Variants in AMPD3 observed in about 807,000 individuals in gnomAD.
AMPD3 encodes the protein AMP deaminase 3.
A neutral mutation model predicts 82.3 loss-of-function variants in AMPD3; 57 were observed. That is an observed-to-expected ratio of 0.69 (90% CI 0.56 to 0.86). AMPD3 has a LOEUF of 0.86. AMPD3 is among the 40% of genes least tolerant of loss of function. AMPD3 has a pLI of 0.00. For missense variants in AMPD3, 870 were observed against 1,003.8 expected (o/e 0.87, Z 1.80); for synonymous variants, 381 against 394.7 (o/e 0.97, Z 0.41).
At chr11:10,478,781 G>A (rs1165251903) in intron 3 of AMPD3, 51 bp downstream of exon 3, 1 of 1,583,846 alleles carries the variant, frequency 6.3e-7, no homozygotes, top group South Asian at 1.1e-5. Context: ...AAGGCCAGGG[G>A]CCCCATGGGC....
chr11:10,504,473 G>C, intron 13 of AMPD3, 76 bp from the exon 14 acceptor site: 1 of 1,429,824 alleles, frequency 7.0e-7, no homozygotes, highest in Non-Finnish European at 9.9e-7. Context: ...GTCTGATGTT[G>C]TTAGCTTTGG....
intron 5 of AMPD3, among the ~76,000 whole-genome samples, chr11:10,485,898 G>A (rs924147335): frequency 6.6e-6 from 1 of 151,992 alleles, no homozygotes; most frequent in African/African-American, 2.4e-5. Flanking sequence ...TGGACTCTGT[G>A]AGCCTCAGAG....
intron 2 of AMPD3, among the ~76,000 whole-genome samples, chr11:10,477,269 G>T (rs1055676248): frequency 6.6e-6 from 1 of 152,216 alleles, no homozygotes; most frequent in Non-Finnish European, 1.5e-5. Flanking sequence ...GTCCTTGCTG[G>T]TGGCTGTGGT....
intron 5 of AMPD3, among the ~76,000 whole-genome samples, chr11:10,485,405 G>C (rs12221503): frequency 0.078 from 11,897 of 152,062 alleles, 721 homozygotes; most frequent in South Asian, 0.23. Context: ...TGCCACCATG[G>C]CTAATTTTTT....
chr11:10,497,068 G>A (rs11042853), intron 10 of AMPD3, 130 bp downstream of exon 10: 105,088 of 1,218,358 alleles, frequency 0.086, 5,241 homozygotes, highest in Non-Finnish European at 0.099. Flanking sequence ...TGTTCCAGGC[G>A]TGGGGTCACC....
intron 3 of AMPD3, chr11:10,481,599 TG>T: frequency 4.2e-6 from 3 of 713,938 alleles, no homozygotes; most frequent in Non-Finnish European, 3.4e-6. Context: ...CTTACAGCTT[TG>T]ATTTATTACA....
intron 2 of AMPD3, among the ~76,000 whole-genome samples, chr11:10,463,677 T>A (rs948366304): frequency 6.6e-6 from 1 of 152,238 alleles, no homozygotes; most frequent in African/African-American, 2.4e-5. Flanking sequence ...CTGAAGCGAC[T>A]GTGCTCTTCT....
At chr11:10,453,116 A>C (rs1382359299), upstream of AMPD3, among the ~76,000 whole-genome samples, 1 of 152,114 alleles carries the variant, frequency 6.6e-6, no homozygotes. Context: ...TGCCAGGCTA[A>C]TTTTTGTGTT....
intron 9 of AMPD3, chr11:10,496,406 C>G (rs1849401767): frequency 4.1e-6 from 4 of 985,414 alleles, no homozygotes; most frequent in Non-Finnish European, 3.6e-6. Flanking sequence ...GCTGTCCTCT[C>G]CAGGCGGCTG....
intron 5 of AMPD3, 22 bp from the exon 6 acceptor site, chr11:10,487,213 T>C: frequency 6.2e-7 from 1 of 1,613,856 alleles, no homozygotes; most frequent in Non-Finnish European, 8.5e-7. Flanking sequence ...AACTATGGTC[T>C]CTCCCCATCT....
Position 10,461,606 on chromosome 11 carries a change from C to A in AMPD3, c.87C>A (p.Leu29=). ...CGGAGAAGGTGTTTGCTAAAGTGCT[C>A]CGAGAAGAGGACAGCAAAGATGCCC... The part of the protein sequence containing the change: ...LLAEKVFAKV[L]REEDSKDALS... The change falls in exon 2 of 15, where the codon CTC becomes CTA. Residue 29 remains leucine, a synonymous_variant. Coordinates refer to ENST00000396553, the MANE Select transcript of AMPD3 (RefSeq NM_001025389.2). 1 of 1,614,226 alleles carries A rather than the reference C, an allele frequency of 6.2e-7. No individual in the cohort carries two copies. The highest frequency in any genetic ancestry group is 8.5e-7 in the Non-Finnish European group (1 of 1,180,048).
chr11:10,483,913 C>T (rs1848989196), intron 4 of AMPD3, among the ~76,000 whole-genome samples: 1 of 152,232 alleles, frequency 6.6e-6, no homozygotes, highest in South Asian at 2.1e-4. Context: ...GCTGGCTGAG[C>T]TGCATGGAGT....
chr11:10,499,732 C>A, intron 10 of AMPD3: 2 of 985,134 alleles, frequency 2.0e-6, no homozygotes, highest in South Asian at 9.4e-5. Flanking sequence ...GCCACTCCTC[C>A]CTGCAGGCTG....
chr11:10,453,570 A>G (rs904363408), upstream of AMPD3, among the ~76,000 whole-genome samples: 1 of 151,836 alleles, frequency 6.6e-6, no homozygotes, highest in Non-Finnish European at 1.5e-5. Context: ...GGAGAGTGAT[A>G]TCTTTCTTTT....
intron 10 of AMPD3, chr11:10,497,605 G>T (rs1849453612): frequency 6.1e-6 from 6 of 985,436 alleles, no homozygotes; most frequent in Non-Finnish European, 7.2e-6. Context: ...CACGGGGAAA[G>T]AATTGAGTCT....
Position 10,482,165 on chromosome 11 carries a change from A to G in AMPD3, c.529A>G (p.Thr177Ala). 1 of 1,613,974 alleles carries G rather than the reference A, an allele frequency of 6.2e-7. No individual in the cohort carries two copies. ...CGCCTACCACCGCTTCCCGCGGATC[A>G]CATCCCAGTACCTGGGTCATCCGCG... ...RLAYHRFPRI[T>A]SQYLGHPRAD... is the part of the protein sequence containing the mutation. Residue 177 changes from threonine (T) to alanine (A), a missense_variant, in exon 4 of 15, where the codon ACA becomes GCA. By Grantham distance (58) the Thr-to-Ala change is moderately conservative. Transcript: ENST00000396553.
At chr11:10,496,153 G>C (rs1478880040) in intron 9 of AMPD3, 2 of 870,232 alleles carry the variant, frequency 2.3e-6, no homozygotes, top group Admixed American at 6.2e-5. Context: ...CTGACCTCGT[G>C]ATCCACCTGC....
intron 13 of AMPD3, among the ~76,000 whole-genome samples, chr11:10,503,679 G>T (rs768295937): frequency 6.6e-5 from 10 of 152,050 alleles, no homozygotes; most frequent in Non-Finnish European, 7.4e-5. Context: ...ACATAATAAT[G>T]ATTTTTTTTC....
At chr11:10,461,178 C>T (rs1848258256) in intron 1 of AMPD3, 2 of 1,224,050 alleles carry the variant, frequency 1.6e-6, no homozygotes, top group Non-Finnish European at 2.1e-6. Context: ...TCTCTTGTCC[C>T]TTCTCAAACA....
Sources: gnomAD v4.1 joint callset for allele counts (sites outside exome capture counted in the v4.1 genomes callset) on GRCh38, gnomAD v4.1.1 for gene constraint, MANE v1.5 for transcripts, NCBI Gene and HGNC (gene_info 2026-07-23, HGNC 2026-07-21) for gene names.